Variants in MCM2 observed in about 807,000 individuals in gnomAD.
The protein encoded by MCM2 is minichromosome maintenance complex component 2.
In MCM2, 49 loss-of-function variants were observed where a neutral mutation model predicts 86.4. That is an observed-to-expected ratio of 0.57 (90% confidence interval 0.45 to 0.72). The LOEUF is 0.72. Ranked by LOEUF, MCM2 falls within the 30% of genes least tolerant of loss-of-function variation. MCM2 has a pLI of 0.00. For synonymous variants in MCM2, 475 were observed against 484.6 expected (o/e 0.98, Z 0.26); for missense variants, 1,038 against 1,259.9 (o/e 0.82, Z 2.67).
In MCM2 at chr3:127,618,371, CCAT is replaced by C. The variant is rs1438051020; in HGVS notation, c.2013+295_2013+297del. Among the ~76,000 whole-genome samples the C allele has an allele frequency of 2.6e-5, 4 of 152,184 alleles. No homozygotes were observed. The highest frequency in any genetic ancestry group is 9.7e-5 in the African/African-American group (4 of 41,422). On this transcript the variant is annotated intron_variant, in intron 12 of 15. Coordinates refer to ENST00000265056, the MANE Select transcript of MCM2 (RefSeq NM_004526.4). This position sits in a 1 kb window ranked among gnomAD's most constrained non-coding sequence, Gnocchi z 4.0. The stretch of plus-strand genomic sequence containing the variant: ...CTTCTGCCTCTGACTTGAGGCACTA[CCAT>C]CATCTGAACTGGCCTCCTGGCACCC...
In MCM2 at chr3:127,621,234, G is replaced by C. The variant is rs1220849052; in HGVS notation, c.2604+6G>C. 1 of 1,613,700 alleles carries C rather than the reference G, an allele frequency of 6.2e-7. No individual in the cohort carries two copies. Among genetic ancestry groups the C allele is most frequent in the East Asian group, 2.2e-5 (1 of 44,894 alleles). On this transcript the variant is annotated splice_donor_region_variant and intron_variant, in intron 15 of 15. Transcript: ENST00000265056. ...AGAAGGACTTGGTGGATAAGGTATG[G>C]GCCCGGAAGGGAGGTGAGGGTTGGG...
chr3:127,612,398 C>T (rs1308807599), intron 8 of MCM2, among the ~76,000 whole-genome samples: 1 of 152,178 alleles, frequency 6.6e-6, no homozygotes, highest in Non-Finnish European at 1.5e-5. Context: ...ATGAGTCACC[C>T]TTATCTATAG....
chr3:127,608,259 G>A (rs774138535), intron 6 of MCM2, 123 bp from the exon 7 acceptor site: 53 of 1,234,888 alleles, frequency 4.3e-5, no homozygotes, highest in Non-Finnish European at 5.9e-5. Flanking sequence ...ATTCCTTGCT[G>A]TCTTTGGCTC....
rs751073432 is a variant in MCM2 at position 127,599,365 on chromosome 3, G to T, written c.54G>T (p.Arg18=). The change falls in exon 2 of 16, where the codon CGG becomes CGT. Residue 18 remains arginine, a synonymous_variant. Coordinates refer to ENST00000265056, the MANE Select transcript of MCM2 (RefSeq NM_004526.4). ...TGGCATCCAGCCCGGCCCAGCGTCG[G>T]CGAGGCAATGATCCTCTCACCTCCA... The part of the protein sequence containing the change: ...FTMASSPAQR[R]RGNDPLTSSP... 1.4e-5 allele frequency: 23 copies of T among 1,614,024 alleles called. No individual in the cohort carries two copies. Among genetic ancestry groups the T allele is most frequent in the Non-Finnish European group, 1.9e-5 (23 of 1,180,034 alleles).
Position 127,606,418 on chromosome 3 carries a change from G to T in MCM2, c.893+81G>T. 2 of 1,430,324 alleles carry T rather than the reference G, an allele frequency of 1.4e-6. No homozygotes were observed. Among genetic ancestry groups the T allele is most frequent in the Non-Finnish European group, 1.9e-6 (2 of 1,033,204 alleles). The allele number at this position is 1,430,324 out of a possible 1,614,324, so 88.6% of individuals were successfully genotyped here. A position where few individuals can be genotyped will look rare whatever the true frequency, so the allele number is the denominator to read the frequency against. On this transcript the variant is annotated intron_variant, in intron 5 of 15. Transcript: ENST00000265056. This position sits in a 1 kb window ranked among gnomAD's most constrained non-coding sequence, Gnocchi z 4.2. ...TCGTGATTCCTGAAGAGCGATTGTGGTGTGGGCGGGGAGGGTGCAGCCAGC... is the reference window on the plus strand; with the variant it reads ...TCGTGATTCCTGAAGAGCGATTGTGTTGTGGGCGGGGAGGGTGCAGCCAGC...
At chr3:127,608,696 G>C in intron 7 of MCM2, 136 bp from the exon 8 acceptor site, 2 of 1,199,080 alleles carry the variant, frequency 1.7e-6, no homozygotes, top group South Asian at 2.8e-5. Flanking sequence ...GGTGGGTTTA[G>C]GAGGGGTTTT....
At chr3:127,615,776 TC>T in intron 8 of MCM2, 85 bp from the exon 9 acceptor site, 1 of 927,560 alleles carries the variant, frequency 1.1e-6, no homozygotes, top group African/African-American at 1.6e-5. Context: ...GCTGGGGATG[TC>T]GTGGTTCCCT....
rs1250083300 is a variant in MCM2 at position 127,604,933 on chromosome 3, G to T, written c.450G>T (p.Lys150Asn). The stretch of plus-strand genomic sequence containing the variant: ...AGGACGAGGAGCGCCCTGCCCGCAA[G>T]CGCCGCCAGGTGGAGCGGGCCACGG... The part of the protein sequence containing the change: ...DEEDEERPAR[K>N]RRQVERATED... Residue 150 changes from lysine (K) to asparagine (N), a missense_variant, in exon 4 of 16, where the codon AAG (lysine) becomes AAT (asparagine). Physicochemically the swap from Lys to Asn is moderately conservative, Grantham distance 94. This residue lies in a region of MCM2 where 300 missense variants were observed against 307.4 expected (regional missense o/e 0.98). Transcript: ENST00000265056. 1 of 1,613,572 alleles carries T rather than the reference G, an allele frequency of 6.2e-7. No individual in the cohort carries two copies. Among genetic ancestry groups the T allele is most frequent in the Admixed American group, 1.7e-5 (1 of 59,994 alleles).
intron 13 of MCM2, among the ~76,000 whole-genome samples, chr3:127,619,892 A>G (rs991413420): frequency 1.3e-5 from 2 of 151,774 alleles, no homozygotes; most frequent in African/African-American, 4.8e-5. Flanking sequence ...CTAAGGAAGG[A>G]AGATCTACTT....
intron 8 of MCM2, among the ~76,000 whole-genome samples, chr3:127,609,369 G>A (rs2074375703): frequency 6.6e-6 from 1 of 152,204 alleles, no homozygotes; most frequent in African/African-American, 2.4e-5. Context: ...TTTGAAATTG[G>A]AACAGAGGCA....
chr3:127,599,516 G>A lies in MCM2; in HGVS notation c.205G>A (p.Gly69Arg). Residue 69 changes from glycine (G) to arginine (R), a missense_variant, in exon 2 of 16, where the codon GGA (glycine) becomes AGA (arginine). Gly to Arg is a moderately radical substitution (Grantham distance 125). Coordinates refer to ENST00000265056, the MANE Select transcript of MCM2 (RefSeq NM_004526.4). Reference protein sequence around the residue: ...TEGPLEEEEDGEELIGDGMER... With the variant: ...TEGPLEEEEDREELIGDGMER... ...GGGGCCCCTGGAGGAAGAAGAGGAT[G>A]GAGAGGAGCTCATTGGAGATGGCAT... The A allele has an allele frequency of 3.1e-6, 5 of 1,614,038 alleles. No homozygotes were observed. The highest frequency in any genetic ancestry group is 4.2e-6 in the Non-Finnish European group (5 of 1,179,946).
At chr3:127,598,965 G>A (rs1486052869) in intron 1 of MCM2, 1 of 394,750 alleles carries the variant, frequency 2.5e-6, no homozygotes, top group Non-Finnish European at 4.6e-6. Flanking sequence ...CGCACTGTGT[G>A]TGCTGAAATA....
rs2074356182 is a variant in MCM2 at position 127,606,885 on chromosome 3, C to T, written c.1101+68C>T. 2 of 1,488,010 alleles carry T rather than the reference C, an allele frequency of 1.3e-6. No homozygotes were observed. The highest frequency in any genetic ancestry group is 3.4e-5 in the Admixed American group (2 of 59,258). 92.2% of individuals were successfully genotyped at this position (1,488,010 alleles called of 1,614,324 possible). A position where few individuals can be genotyped will look rare whatever the true frequency, so the allele number is the denominator to read the frequency against. On this transcript the variant is annotated intron_variant, in intron 6 of 15. Transcript: ENST00000265056. The surrounding 1 kb of genome is among the most constrained non-coding windows in gnomAD (Gnocchi z 4.2). ...TGCCCAGTATGCAGGACCTGACTGG[C>T]CTCTCAGGCTGTGGAAGACCAGTGT...
intron 2 of MCM2, among the ~76,000 whole-genome samples, chr3:127,599,943 AT>A (rs2074295360): frequency 1.3e-5 from 2 of 152,228 alleles, no homozygotes; most frequent in African/African-American, 2.4e-5. Context: ...ATCAGCAAAC[AT>A]TTATTGTACC....
chr3:127,604,409 T>C (rs1559861326), intron 2 of MCM2, 199 bp from the exon 3 acceptor site: 2 of 546,216 alleles, frequency 3.7e-6, no homozygotes, highest in East Asian at 5.7e-5. Flanking sequence ...GGCTTCATCG[T>C]CCATCATATG....
At chr3:127,607,416 T>C (rs1232395516) in intron 6 of MCM2, among the ~76,000 whole-genome samples, 2 of 152,266 alleles carry the variant, frequency 1.3e-5, no homozygotes, top group African/African-American at 4.8e-5. Context: ...GCTGTGGCTG[T>C]TGGCTGTCCT....
intron 8 of MCM2, among the ~76,000 whole-genome samples, chr3:127,614,859 G>A (rs1037578260): frequency 2.2e-4 from 33 of 152,180 alleles, no homozygotes; most frequent in Admixed American, 2.1e-3. Flanking sequence ...GTCTTTGAGT[G>A]ATTTTTTGCT....
chr3:127,603,427 G>T (rs917074600), intron 2 of MCM2, among the ~76,000 whole-genome samples: 2 of 151,602 alleles, frequency 1.3e-5, no homozygotes, highest in Non-Finnish European at 2.9e-5. Context: ...GGTTCAAAGT[G>T]CTAGGATTAC....
At chr3:127,599,038 C>T (rs756706381) in intron 1 of MCM2, 8 of 536,528 alleles carry the variant, frequency 1.5e-5, no homozygotes, top group Non-Finnish European at 2.0e-5. Context: ...GACATAACCT[C>T]AGTGGTTTTT....
Sources: allele counts gnomAD v4.1 joint callset (sites outside exome capture counted in the v4.1 genomes callset), GRCh38; gene constraint gnomAD v4.1.1; regional missense constraint gnomAD v4.1.1; non-coding constraint Gnocchi (gnomAD v3.1); transcripts MANE v1.5; gene names NCBI Gene and HGNC (gene_info 2026-07-23, HGNC 2026-07-21).